PLAGL1: variants seen among roughly 807,000 people sequenced by gnomAD.
PLAGL1 encodes PLAG1 like zinc finger 1.
In PLAGL1, 1 loss-of-function variant was observed where a neutral mutation model predicts 4.6. That is an observed-to-expected ratio of 0.22 (90% CI 0.08 to 1.03). The LOEUF is 1.03. PLAGL1 is among the 50% of genes least tolerant of loss of function. The pLI, the probability that PLAGL1 is intolerant of heterozygous loss-of-function variation, is 0.58. For missense variants in PLAGL1, 464 were observed against 570.4 expected (o/e 0.81, Z 1.90); for synonymous variants, 240 against 237.8 (o/e 1.01, Z -0.08).
At position 144,036,054 on chromosome 6, in the gene PLAGL1, C is replaced by A. The variant is rs1225896752; in HGVS notation, c.-151+28414G>T. 6.6e-6 allele frequency among the ~76,000 whole-genome samples: 1 copy of A among 152,104 alleles called. No homozygotes were observed. Among genetic ancestry groups the A allele is most frequent in the Non-Finnish European group, 1.5e-5 (1 of 68,020 alleles). On this transcript the variant is annotated intron_variant, in intron 1 of 3. Transcript: ENST00000437412. The surrounding 1 kb of genome is among the most constrained non-coding windows in gnomAD (Gnocchi z 5.1). ...TGGCTTAGCCTGGAAACCCTCAATG[C>A]AGGACTCCAACCCCAAGAAAGTGCT...
At chr6:144,002,411 G>A (rs140797013) in intron 1 of PLAGL1, among the ~76,000 whole-genome samples, 1 of 152,094 alleles carries the variant, frequency 6.6e-6, no homozygotes. Flanking sequence ...TATTGTTCTA[G>A]AGGTCCCAGC....
chr6:144,000,148 T>C lies in PLAGL1; in HGVS notation c.-584+7942A>G, dbSNP rs893097145. ...AACTAGAAGAAGAGAACTTTAAATA[T>C]CCCGCAACAACATCACACTAAGCTT... is the stretch of plus-strand genomic sequence containing the variant. On this transcript the variant is annotated intron_variant, in intron 1 of 7. Transcript: ENST00000674357. The surrounding 1 kb of genome is among the most constrained non-coding windows in gnomAD (Gnocchi z 4.1). Among the ~76,000 whole-genome samples the C allele has an allele frequency of 3.3e-5, 5 of 152,154 alleles. No homozygotes were observed. The highest frequency in any genetic ancestry group is 1.2e-4 in the African/African-American group (5 of 41,458).
rs182177571 is a variant in PLAGL1 at position 144,027,266 on chromosome 6, A to C, written c.-151+37202T>G. ...AAGAAAGAAAGAAAGAAAGAAAGAAAGAAAGAAAGAAAGAAAGAAAGAAAG... is the reference window on the plus strand; with the variant it reads ...AAGAAAGAAAGAAAGAAAGAAAGAACGAAAGAAAGAAAGAAAGAAAGAAAG... On this transcript the variant is annotated intron_variant, in intron 1 of 3. Coordinates refer to the PLAGL1 transcript ENST00000437412. The surrounding 1 kb of genome is among the most constrained non-coding windows in gnomAD (Gnocchi z 5.8). 2.7e-5 allele frequency among the ~76,000 whole-genome samples: 4 copies of C among 146,994 alleles called. No individual in the cohort carries two copies. Among genetic ancestry groups the C allele is most frequent in the South Asian group, 2.2e-4 (1 of 4,554 alleles).
chr6:144,027,242 A>AGAAG lies in PLAGL1; in HGVS notation c.-151+37225_-151+37226insCTTC, dbSNP rs1554277699. On this transcript the variant is annotated intron_variant, in intron 1 of 3. Coordinates refer to the PLAGL1 transcript ENST00000437412. The surrounding 1 kb of genome is among the most constrained non-coding windows in gnomAD (Gnocchi z 5.8). ...CCAACTCAAAGAACGAACGAAAGAA[A>AGAAG]GAAAGAAAGAAAGAAAGAAAGAAAG... Among the ~76,000 whole-genome samples, 2 of 86,164 alleles carry AGAAG rather than the reference A, an allele frequency of 2.3e-5. No individual in the cohort carries two copies. Among genetic ancestry groups the AGAAG allele is most frequent in the Non-Finnish European group, 5.2e-5 (2 of 38,586 alleles). The allele number at this position is 86,164 out of a possible 152,430, so 56.5% of individuals were successfully genotyped here.
intron 1 of PLAGL1, among the ~76,000 whole-genome samples, chr6:144,058,833 T>G (rs1384901722): frequency 7.9e-5 from 12 of 152,112 alleles, no homozygotes. Flanking sequence ...GCTCTGCCCC[T>G]GTAGCTTTGC....
upstream of PLAGL1, among the ~76,000 whole-genome samples, chr6:144,013,173 T>C (rs1051105323): frequency 5.3e-5 from 8 of 152,190 alleles, no homozygotes; most frequent in African/African-American, 1.7e-4. The surrounding 1 kb of genome is among the most constrained non-coding windows in gnomAD (Gnocchi z 4.4). Context: ...GAATGACTTC[T>C]TAACATTTCT....
chr6:143,993,792 C>T (rs1791052033), intron 1 of PLAGL1, among the ~76,000 whole-genome samples: 1 of 152,094 alleles, frequency 6.6e-6, no homozygotes, highest in African/African-American at 2.4e-5. Flanking sequence ...AATCTGAAAA[C>T]CAGGACTCAT....
rs1250870518 is a variant in PLAGL1, at chr6:144,000,118, T to C, written c.-584+7972A>G. The stretch of plus-strand genomic sequence containing the variant: ...AATACAATTCATGATATAAAACTCT[T>C]AGAGAACTAGAAGAAGAGAACTTTA... On this transcript the variant is annotated intron_variant, in intron 1 of 7. Coordinates refer to ENST00000674357, the MANE Select transcript of PLAGL1 (RefSeq NM_001317162.2). The surrounding 1 kb of genome is among the most constrained non-coding windows in gnomAD (Gnocchi z 4.1). Among the ~76,000 whole-genome samples the C allele has an allele frequency of 6.6e-6, 1 of 152,142 alleles. No individual in the cohort carries two copies. Among genetic ancestry groups the C allele is most frequent in the East Asian group, 1.9e-4 (1 of 5,200 alleles).
rs550245929 is a variant in PLAGL1 at position 144,002,296 on chromosome 6, C to CA, written c.-584+5793dup. ...TCCTCAATCTGGTAAAGAACATCTA[C>CA]AAAAAAAGTACAGTAAACATCACCC... On this transcript the variant is annotated intron_variant, in intron 1 of 7. Transcript: ENST00000674357. 2.1e-4 allele frequency among the ~76,000 whole-genome samples: 32 copies of CA among 152,020 alleles called. No individual in the cohort carries two copies. The South Asian group carries it at 2.9e-3, about 14-fold the overall frequency.
chr6:144,045,373 G>A (rs1798062344), intron 1 of PLAGL1, among the ~76,000 whole-genome samples: 1 of 152,176 alleles, frequency 6.6e-6, no homozygotes, highest in Non-Finnish European at 1.5e-5. Context: ...TTGTAAGGCA[G>A]GCCTGGTGGT....
chr6:143,983,315 A>C lies in PLAGL1; in HGVS notation c.-544+1820T>G, dbSNP rs1030388093. Reference sequence around the variant, plus strand: ...GAGAACTTTGGTGGAATGCCCAGACAGAACTGAGAAATTGTGTAAAAGGAA... The same window carrying C: ...GAGAACTTTGGTGGAATGCCCAGACCGAACTGAGAAATTGTGTAAAAGGAA... On this transcript the variant is annotated intron_variant, in intron 2 of 7. Coordinates refer to ENST00000674357, the MANE Select transcript of PLAGL1 (RefSeq NM_001317162.2). This position sits in a 1 kb window ranked among gnomAD's most constrained non-coding sequence, Gnocchi z 6.6. Among the ~76,000 whole-genome samples the C allele has an allele frequency of 2.0e-5, 3 of 152,200 alleles. No individual in the cohort carries two copies. The highest frequency in any genetic ancestry group is 7.2e-5 in the African/African-American group (3 of 41,448).
At position 144,006,578 on chromosome 6, in the gene PLAGL1, T is replaced by G. The variant is rs1057366188; in HGVS notation, c.-584+1512A>C. ...ATCACACAGCATTCTCCGGCAACTT[T>G]TTTTTTTTTTGGTTCAACACTGAAA... On this transcript the variant is annotated intron_variant, in intron 1 of 7. Coordinates refer to ENST00000674357, the MANE Select transcript of PLAGL1 (RefSeq NM_001317162.2). This position sits in a 1 kb window ranked among gnomAD's most constrained non-coding sequence, Gnocchi z 4.3. 6.6e-6 allele frequency: 1 copy of G among 151,784 alleles called. No individual in the cohort carries two copies. Among genetic ancestry groups the G allele is most frequent in the Non-Finnish European group, 1.5e-5 (1 of 67,870 alleles). The allele number at this position is 151,784 out of a possible 1,614,324, so 9.4% of individuals were successfully genotyped here.
At position 143,947,149 on chromosome 6, in the gene PLAGL1, A is replaced by G. The variant is rs539822954; in HGVS notation, c.152+836T>C. ...TTGGTGTGTCATGGGTGCCTTTAAA[A>G]CTGATCAAATGCACATGCTGCTCAT... On this transcript the variant is annotated intron_variant, in intron 7 of 7. Transcript: ENST00000674357. This position sits in a 1 kb window ranked among gnomAD's most constrained non-coding sequence, Gnocchi z 4.3. Among the ~76,000 whole-genome samples the G allele has an allele frequency of 1.1e-4, 17 of 152,172 alleles. No individual in the cohort carries two copies. The highest frequency in any genetic ancestry group is 2.5e-4 in the Non-Finnish European group (17 of 68,028).
chr6:144,047,699 C>A (rs563393826), intron 1 of PLAGL1, among the ~76,000 whole-genome samples: 1 of 152,138 alleles, frequency 6.6e-6, no homozygotes, highest in Non-Finnish European at 1.5e-5. Context: ...TCCCTCAACA[C>A]GTGGGGATTG....
chr6:143,997,095 T>A lies in PLAGL1; in HGVS notation c.-584+10995A>T, dbSNP rs1346604768. Among the ~76,000 whole-genome samples the A allele has an allele frequency of 1.3e-5, 2 of 152,076 alleles. No individual in the cohort carries two copies. Among genetic ancestry groups the A allele is most frequent in the Non-Finnish European group, 2.9e-5 (2 of 68,026 alleles). On this transcript the variant is annotated intron_variant, in intron 1 of 7. Transcript: ENST00000674357. The surrounding 1 kb of genome is among the most constrained non-coding windows in gnomAD (Gnocchi z 4.6). ...ATCAAGGAAATGCACATGAAAACCA[T>A]GAGACCATGAAGCCATGAGATATCA... is the stretch of plus-strand genomic sequence containing the variant.
At chr6:143,988,100 T>A (rs1243257746) in intron 1 of PLAGL1, among the ~76,000 whole-genome samples, 1 of 152,230 alleles carries the variant, frequency 6.6e-6, no homozygotes, top group Admixed American at 6.5e-5. Flanking sequence ...CCAGTAAGTC[T>A]TGGTAAGTAA....
rs146785410 is a variant in PLAGL1 at position 143,947,396 on chromosome 6, G to A, written c.152+589C>T. Among the ~76,000 whole-genome samples, 10 of 152,270 alleles carry A rather than the reference G, an allele frequency of 6.6e-5. No homozygotes were observed. The highest frequency in any genetic ancestry group is 3.9e-4 in the East Asian group (2 of 5,180). On this transcript the variant is annotated intron_variant, in intron 7 of 7. Coordinates refer to ENST00000674357, the MANE Select transcript of PLAGL1 (RefSeq NM_001317162.2). The surrounding 1 kb of genome is among the most constrained non-coding windows in gnomAD (Gnocchi z 4.3). ...GAGTCCTCTTTCTAGGATACTAAAC[G>A]AATCATATTTCTTCACTACTTATAC...
chr6:143,941,285 C>T lies in PLAGL1; in HGVS notation c.*139G>A, dbSNP rs1778515313. On this transcript the variant is annotated 3_prime_UTR_variant, in exon 8 of 8. Transcript: ENST00000674357. The surrounding 1 kb of genome is among the most constrained non-coding windows in gnomAD (Gnocchi z 6.0). ...ACAATACATGCAGTTCGAGAATTCT[C>T]TTATCATCTCAAGCCAGTCATCACT... 1.6e-6 allele frequency: 1 copy of T among 613,140 alleles called. No homozygotes were observed. The highest frequency in any genetic ancestry group is 1.8e-5 in the African/African-American group (1 of 54,136). The allele number at this position is 613,140 out of a possible 1,614,324, so 38.0% of individuals were successfully genotyped here.
chr6:143,965,748 C>A lies in PLAGL1; in HGVS notation c.-431+410G>T, dbSNP rs559669358. ...GGGGCTGCTCTGGTCTCACAAGGGT[C>A]TAGCCTTGGTTGGCACATGCTTCCC... On this transcript the variant is annotated intron_variant, in intron 4 of 7. Transcript: ENST00000674357. This position sits in a 1 kb window ranked among gnomAD's most constrained non-coding sequence, Gnocchi z 7.5. The A allele has an allele frequency of 6.6e-6, 1 of 152,348 alleles. No individual in the cohort carries two copies. The highest frequency in any genetic ancestry group is 2.1e-4 in the South Asian group (1 of 4,830). The allele number at this position is 152,348 out of a possible 1,614,324, so 9.4% of individuals were successfully genotyped here.
Sources: allele counts gnomAD v4.1 joint callset (sites outside exome capture counted in the v4.1 genomes callset), GRCh38; gene constraint gnomAD v4.1.1; non-coding constraint Gnocchi (gnomAD v3.1); transcripts MANE v1.5; gene names NCBI Gene and HGNC (gene_info 2026-07-23, HGNC 2026-07-21).